Variants in FOXN3 observed in about 807,000 individuals in gnomAD.
The protein encoded by FOXN3 is forkhead box N3, also known as forkhead box protein N3.
In FOXN3, 7 loss-of-function variants were observed where a neutral mutation model predicts 38.4. The observed-to-expected ratio is 0.18, with a 90% CI of 0.10 to 0.34. The LOEUF is 0.34. FOXN3 is among the 10% of genes least tolerant of loss of function. The probability of loss-of-function intolerance (pLI) is 1.00; values close to 1 mark genes in which losing one functional copy is unlikely to be tolerated. For synonymous variants in FOXN3, 230 were observed against 242.2 expected (o/e 0.95, Z 0.47); for missense variants, 456 against 613.4 (o/e 0.74, Z 2.71).
At chr14:89,603,682 A>G (rs1323153845) in intron 1 of FOXN3, among the ~76,000 whole-genome samples, 1 of 152,238 alleles carries the variant, frequency 6.6e-6, no homozygotes, top group Non-Finnish European at 1.5e-5. Context: ...GCTGGACAAA[A>G]TATTTCCTCA....
At chr14:89,378,272 A>G (rs1354558346) in intron 2 of FOXN3, among the ~76,000 whole-genome samples, 1 of 152,158 alleles carries the variant, frequency 6.6e-6, no homozygotes, top group Non-Finnish European at 1.5e-5. Flanking sequence ...AGGGGGTGGG[A>G]GCTAAGATAG....
intron 4 of FOXN3, among the ~76,000 whole-genome samples, chr14:89,253,179 T>C (rs1033346541): frequency 6.6e-5 from 10 of 152,222 alleles, no homozygotes; most frequent in African/African-American, 2.4e-4. Flanking sequence ...CGAAACAGCC[T>C]GCACCTGGGG....
At chr14:89,536,964 T>C (rs1036536688) in intron 1 of FOXN3, among the ~76,000 whole-genome samples, 1 of 152,182 alleles carries the variant, frequency 6.6e-6, no homozygotes, top group African/African-American at 2.4e-5. Context: ...CCCTTGATTA[T>C]ATCTTCTGTT....
chr14:89,423,604 G>A (rs987917152), intron 1 of FOXN3, among the ~76,000 whole-genome samples: 4 of 152,056 alleles, frequency 2.6e-5, no homozygotes, highest in Non-Finnish European at 5.9e-5. Flanking sequence ...AATAAGAAAA[G>A]GGGCAAATTC....
Position 89,412,285 on chromosome 14 carries a change from G to C in FOXN3, c.192C>G (p.Asn64Lys). 1 of 1,614,120 alleles carries C rather than the reference G, an allele frequency of 6.2e-7. No homozygotes were observed. The highest frequency in any genetic ancestry group is 8.5e-7 in the Non-Finnish European group (1 of 1,180,020). The stretch of plus-strand genomic sequence containing the variant: ...GCAAGTTCTTGCTCTCGTGCAGCCA[G>C]TTCAGGTTGGTCAGCTCTTCATCTT... ...AMEDEELTNL[N>K]WLHESKNLLK... The change falls in exon 2 of 6, where the codon AAC (asparagine) becomes AAG (lysine). Residue 64 changes from asparagine to lysine, a missense_variant. This residue lies in a region of FOXN3 where 11 missense variants were observed against 39.2 expected (regional missense o/e 0.28). Transcript: ENST00000557258. This position sits in a 1 kb window ranked among gnomAD's most constrained non-coding sequence, Gnocchi z 4.7.
intron 1 of FOXN3, among the ~76,000 whole-genome samples, chr14:89,461,242 C>A (rs1374933486): frequency 6.6e-6 from 1 of 151,614 alleles, no homozygotes. Context: ...GAGGCTGAGG[C>A]AGGAGAATCG....
At chr14:89,192,163 A>T (rs1432079129) in intron 4 of FOXN3, among the ~76,000 whole-genome samples, 3 of 146,828 alleles carry the variant, frequency 2.0e-5, no homozygotes, top group African/African-American at 7.4e-5. Flanking sequence ...CACTGATATT[A>T]ATATATATTA....
intron 1 of FOXN3, among the ~76,000 whole-genome samples, chr14:89,550,764 T>A (rs751467729): frequency 3.9e-5 from 6 of 152,234 alleles, no homozygotes; most frequent in Non-Finnish European, 8.8e-5. Context: ...AGAAATGGTA[T>A]AACTGTGACC....
chr14:89,271,416 T>C (rs1039688316), intron 4 of FOXN3, among the ~76,000 whole-genome samples: 2 of 152,216 alleles, frequency 1.3e-5, no homozygotes, highest in African/African-American at 4.8e-5. Context: ...GTTTAATCTT[T>C]ATATTTTATA....
At chr14:89,294,850 T>C (rs1886987106) in intron 3 of FOXN3, among the ~76,000 whole-genome samples, 1 of 152,214 alleles carries the variant, frequency 6.6e-6, no homozygotes, top group Non-Finnish European at 1.5e-5. Context: ...GACTGCTCTA[T>C]ATATGAAGTA....
chr14:89,342,921 C>T (rs1014187461), intron 3 of FOXN3, among the ~76,000 whole-genome samples: 6 of 152,180 alleles, frequency 3.9e-5, no homozygotes, highest in African/African-American at 1.4e-4. Flanking sequence ...AAATATGTTG[C>T]TTTCAAGTAA....
At chr14:89,579,881 G>A (rs889345382) in intron 1 of FOXN3, among the ~76,000 whole-genome samples, 23 of 151,988 alleles carry the variant, frequency 1.5e-4, no homozygotes, top group African/African-American at 5.1e-4. Context: ...AAGGAACCCC[G>A]ACTCTCTCAC....
chr14:89,391,244 C>T (rs576859099), intron 2 of FOXN3, among the ~76,000 whole-genome samples: 1 of 152,146 alleles, frequency 6.6e-6, no homozygotes, highest in Non-Finnish European at 1.5e-5. Context: ...TTAAAGGGCA[C>T]GACTGTGTCT....
intron 4 of FOXN3, among the ~76,000 whole-genome samples, chr14:89,260,218 T>C (rs1885753648): frequency 6.6e-6 from 1 of 152,372 alleles, no homozygotes; most frequent in African/African-American, 2.4e-5. Flanking sequence ...ATAGTTTTAA[T>C]CTGAACTAAC....
chr14:89,482,909 G>GA (rs10671899), intron 1 of FOXN3, among the ~76,000 whole-genome samples: 2,112 of 143,900 alleles, frequency 0.015, 67 homozygotes, highest in African/African-American at 0.046. Context: ...GACCCTGTAT[G>GA]AAAAAAAAAA....
chr14:89,570,723 T>C (rs1031760335), intron 1 of FOXN3, among the ~76,000 whole-genome samples: 1 of 151,980 alleles, frequency 6.6e-6, no homozygotes, highest in African/African-American at 2.4e-5. Context: ...ATCATTACTG[T>C]TAGTGTATTT....
At chr14:89,511,015 C>A (rs184917588) in intron 1 of FOXN3, among the ~76,000 whole-genome samples, 1 of 152,034 alleles carries the variant, frequency 6.6e-6, no homozygotes, top group Non-Finnish European at 1.5e-5. Context: ...TGTTCCATTA[C>A]AAAAGTGCAT....
chr14:89,170,915 A>T (rs778469476), intron 5 of FOXN3, among the ~76,000 whole-genome samples: 1 of 152,102 alleles, frequency 6.6e-6, no homozygotes, highest in Non-Finnish European at 1.5e-5. Context: ...CTTCTATAGA[A>T]AAAGAAGAAA....
intron 1 of FOXN3, among the ~76,000 whole-genome samples, chr14:89,544,256 T>C (rs1468225336): frequency 1.3e-5 from 2 of 152,116 alleles, no homozygotes; most frequent in Middle Eastern, 3.4e-3. Flanking sequence ...TTAGCCAGGA[T>C]GGTCTCGATC....
Sources: allele counts gnomAD v4.1 joint callset (sites outside exome capture counted in the v4.1 genomes callset), GRCh38; gene constraint gnomAD v4.1.1; regional missense constraint gnomAD v4.1.1; non-coding constraint Gnocchi (gnomAD v3.1); transcripts MANE v1.5; gene names NCBI Gene and HGNC (gene_info 2026-07-23, HGNC 2026-07-21).